The following KCTD16 variants were observed in gnomAD, a reference collection of about 807,000 sequenced individuals.
KCTD16 encodes the protein BTB/POZ domain-containing protein KCTD16.
Under a neutral mutation model 33.2 loss-of-function variants are expected in KCTD16, and 13 were observed. That is an observed-to-expected ratio of 0.39 (90% CI 0.25 to 0.62). The LOEUF is 0.62. Ranked by LOEUF, KCTD16 falls within the 20% of genes least tolerant of loss-of-function variation. The probability of loss-of-function intolerance (pLI) is 0.50; values close to 1 mark genes in which losing one functional copy is unlikely to be tolerated. For missense variants in KCTD16, 441 were observed against 525.1 expected (o/e 0.84, Z 1.57); for synonymous variants, 197 against 195.3 (o/e 1.01, Z -0.07).
intron 3 of KCTD16, among the ~76,000 whole-genome samples, chr5:144,368,220 C>T (rs1267651995): frequency 6.6e-6 from 1 of 152,028 alleles, no homozygotes; most frequent in Non-Finnish European, 1.5e-5. Context: ...CATTACATGA[C>T]AGAAGGGAAT....
At chr5:144,222,836 T>G (rs1753803955) in intron 3 of KCTD16, among the ~76,000 whole-genome samples, 1 of 152,302 alleles carries the variant, frequency 6.6e-6, no homozygotes, top group African/African-American at 2.4e-5. Context: ...TAAAGACACA[T>G]GCACACGTAT....
At chr5:144,315,588 C>A (rs1402697615) in intron 3 of KCTD16, among the ~76,000 whole-genome samples, 1 of 152,036 alleles carries the variant, frequency 6.6e-6, no homozygotes, top group African/African-American at 2.4e-5. Flanking sequence ...CCAAGCAAAG[C>A]TTTTCATATG....
intron 3 of KCTD16, among the ~76,000 whole-genome samples, chr5:144,254,776 CT>C (rs373745195): frequency 4.0e-5 from 6 of 149,236 alleles, no homozygotes; most frequent in South Asian, 2.1e-4. Flanking sequence ...ATTTGTCTTT[CT>C]TTTTTTTTTA....
intron 3 of KCTD16, among the ~76,000 whole-genome samples, chr5:144,446,388 C>A (rs1018272045): frequency 4.0e-5 from 6 of 151,894 alleles, no homozygotes; most frequent in Non-Finnish European, 7.4e-5. Context: ...TTCTTTACAC[C>A]TTATACAAAA....
chr5:144,283,527 G>A (rs1434481813), intron 3 of KCTD16, among the ~76,000 whole-genome samples: 2 of 152,106 alleles, frequency 1.3e-5, no homozygotes, highest in Non-Finnish European at 2.9e-5. Flanking sequence ...TTCTTAACTG[G>A]TTCTGTTATT....
chr5:144,470,060 A>G (rs1049625364), intron 3 of KCTD16, among the ~76,000 whole-genome samples: 3 of 152,064 alleles, frequency 2.0e-5, no homozygotes, highest in Non-Finnish European at 4.4e-5. Context: ...CCAAATGGAG[A>G]GAATTATTCC....
In KCTD16 at chr5:144,477,843, G is replaced by A. The variant is rs192965150; in HGVS notation, c.*3729G>A. 1 of 152,010 alleles carries A rather than the reference G, an allele frequency of 6.6e-6. No individual in the cohort carries two copies. The highest frequency in any genetic ancestry group is 1.5e-5 in the Non-Finnish European group (1 of 67,926). 9.4% of individuals were successfully genotyped at this position (152,010 alleles called of 1,614,324 possible). On this transcript the variant is annotated 3_prime_UTR_variant, in exon 4 of 4. Transcript: ENST00000512467. ...TTCTGCCACTATATACCATGCCATG[G>A]AATTTGACTAGCCTTGGTCTTCTAG...
intron 3 of KCTD16, among the ~76,000 whole-genome samples, chr5:144,402,848 G>A (rs1309418335): frequency 6.6e-6 from 1 of 152,192 alleles, no homozygotes; most frequent in African/African-American, 2.4e-5. Context: ...TGCCATAAAT[G>A]TAGTGGCCTA....
At chr5:144,231,976 A>G in intron 3 of KCTD16, among the ~76,000 whole-genome samples, 1 of 152,200 alleles carries the variant, frequency 6.6e-6, no homozygotes, top group East Asian at 1.9e-4. Context: ...AACAGTATTT[A>G]TTTAAAGTAG....
Position 144,419,740 on chromosome 5 carries a change from A to G in KCTD16, c.833-53920A>G, listed in dbSNP as rs184125720. ...GTAGACACTGACTACATATGGCTAT[A>G]TAACACTTGAAATGCTCATGAAGAA... On this transcript the variant is annotated intron_variant, in intron 3 of 3. Coordinates refer to ENST00000512467, the MANE Select transcript of KCTD16 (RefSeq NM_020768.4). Among the ~76,000 whole-genome samples, 229 of 152,312 alleles carry G rather than the reference A, an allele frequency of 1.5e-3. 1 individual carries two copies. The highest frequency in any genetic ancestry group is 2.4e-3 in the Non-Finnish European group (161 of 68,028).
intron 3 of KCTD16, among the ~76,000 whole-genome samples, chr5:144,236,736 GAGC>G (rs1313959210): frequency 1.3e-5 from 2 of 152,094 alleles, no homozygotes; most frequent in African/African-American, 2.4e-5. Context: ...TTTAGCCCTG[GAGC>G]TCTGGGGAGG....
chr5:144,247,914 C>T (rs180942654), intron 3 of KCTD16, among the ~76,000 whole-genome samples: 56 of 152,300 alleles, frequency 3.7e-4, no homozygotes, highest in African/African-American at 1.3e-3. Context: ...CAAGCAACAC[C>T]TGATGAGCAG....
chr5:144,257,549 C>G (rs1050274489), intron 3 of KCTD16, among the ~76,000 whole-genome samples: 1 of 151,748 alleles, frequency 6.6e-6, no homozygotes, highest in East Asian at 1.9e-4. Context: ...AGTGCAGTGA[C>G]GTGATCTCGG....
At chr5:144,188,987 G>C (rs1752785238) in intron 2 of KCTD16, among the ~76,000 whole-genome samples, 1 of 152,064 alleles carries the variant, frequency 6.6e-6, no homozygotes, top group South Asian at 2.1e-4. Flanking sequence ...TCATGTGTAG[G>C]GTGTCTAAGT....
chr5:144,377,809 C>G (rs1264415377), intron 3 of KCTD16: 2 of 152,174 alleles, frequency 1.3e-5, no homozygotes, highest in African/African-American at 2.4e-5. Flanking sequence ...TAATCAAACT[C>G]TCCATCCCTC....
chr5:144,252,614 T>G (rs1304583242), intron 3 of KCTD16, among the ~76,000 whole-genome samples: 4 of 151,996 alleles, frequency 2.6e-5, no homozygotes, highest in African/African-American at 9.7e-5. Context: ...TGAATTTTTT[T>G]TTTTTTTCAG....
At chr5:144,291,820 A>T (rs1454856836) in intron 3 of KCTD16, among the ~76,000 whole-genome samples, 1 of 152,222 alleles carries the variant, frequency 6.6e-6, no homozygotes, top group Admixed American at 6.5e-5. Flanking sequence ...AATGACAGCT[A>T]CCACATACCG....
intron 3 of KCTD16, among the ~76,000 whole-genome samples, chr5:144,420,685 T>A (rs186290861): frequency 6.6e-6 from 1 of 152,076 alleles, no homozygotes; most frequent in South Asian, 2.1e-4. Flanking sequence ...TAATGCATCA[T>A]GTATAGGTGC....
At chr5:144,184,338 A>T (rs1255362514) in intron 2 of KCTD16, among the ~76,000 whole-genome samples, 1 of 152,130 alleles carries the variant, frequency 6.6e-6, no homozygotes, top group East Asian at 1.9e-4. Context: ...TGACTGGCTT[A>T]TTTCACTTAG....
Sources: gnomAD v4.1 joint callset for allele counts (sites outside exome capture counted in the v4.1 genomes callset) on GRCh38, gnomAD v4.1.1 for gene constraint, MANE v1.5 for transcripts, NCBI Gene and HGNC (gene_info 2026-07-23, HGNC 2026-07-21) for gene names.